PIK3C2G: variants seen among roughly 807,000 people sequenced by gnomAD.
PIK3C2G encodes the protein phosphatidylinositol-4-phosphate 3-kinase catalytic subunit type 2 gamma, also known as phosphatidylinositol 3-kinase C2 domain-containing subunit gamma.
A neutral mutation model predicts 181.1 loss-of-function variants in PIK3C2G; 168 were observed. The ratio of observed to expected loss-of-function variants is 0.93; its 90% CI spans 0.82 to 1.05. The LOEUF is 1.05. Ranked by LOEUF, PIK3C2G falls within the 50% of genes least tolerant of loss-of-function variation. The pLI, the probability that PIK3C2G is intolerant of heterozygous loss-of-function variation, is 0.00. For synonymous variants in PIK3C2G, 573 were observed against 592.2 expected, an observed-to-expected ratio of 0.97 and a Z score of 0.47; for missense variants, 1,869 against 1,732.8, an observed-to-expected ratio of 1.08 and a Z score of -1.40.
chr12:18,539,868 C>T (rs987424397), intron 25 of PIK3C2G, among the ~76,000 whole-genome samples: 7 of 151,784 alleles, frequency 4.6e-5, no homozygotes, highest in African/African-American at 7.3e-5. Flanking sequence ...TACCCATCTC[C>T]GAAATCTTCA....
the PIK3C2G span, chr12:18,705,253 T>C: frequency 6.2e-7 from 1 of 1,614,040 alleles, no homozygotes; most frequent in South Asian, 1.1e-5. Context: ...TGTCTGCCAT[T>C]ACTTCTTGTT....
intron 18 of PIK3C2G, among the ~76,000 whole-genome samples, chr12:18,434,933 C>T (rs1276302386): frequency 6.6e-6 from 1 of 150,564 alleles, no homozygotes; most frequent in African/African-American, 2.4e-5. Flanking sequence ...GACTTTTGTC[C>T]AAAAATTTTA....
intron 24 of PIK3C2G, among the ~76,000 whole-genome samples, chr12:18,534,870 G>A (rs1943762041): frequency 6.6e-6 from 1 of 151,192 alleles, no homozygotes; most frequent in Non-Finnish European, 1.5e-5. Context: ...GCAAGAACAG[G>A]TGGGACTTTG....
chr12:18,506,633 A>C (rs1459331532), intron 24 of PIK3C2G, among the ~76,000 whole-genome samples: 1 of 152,182 alleles, frequency 6.6e-6, no homozygotes, highest in Non-Finnish European at 1.5e-5. Context: ...TTAGCAAATG[A>C]CTGAATAATT....
intron 18 of PIK3C2G, among the ~76,000 whole-genome samples, chr12:18,434,239 T>C (rs182154036): frequency 6.6e-6 from 1 of 152,300 alleles, no homozygotes; most frequent in Admixed American, 6.5e-5. Flanking sequence ...TATAAGGGCA[T>C]GAACCCATTC....
At chr12:18,428,075 G>C (rs1945941085) in intron 18 of PIK3C2G, among the ~76,000 whole-genome samples, 1 of 151,776 alleles carries the variant, frequency 6.6e-6, no homozygotes, top group African/African-American at 2.4e-5. Flanking sequence ...TCCTCTAAGG[G>C]GGGAGATTCA....
At chr12:18,454,617 A>G (rs1947532002) in intron 18 of PIK3C2G, among the ~76,000 whole-genome samples, 1 of 152,136 alleles carries the variant, frequency 6.6e-6, no homozygotes, top group Admixed American at 6.6e-5. Context: ...CTGTTTTGAG[A>G]ATAGAATTAA....
intron 16 of PIK3C2G, among the ~76,000 whole-genome samples, chr12:18,410,322 T>C (rs1473291369): frequency 2.6e-5 from 4 of 152,006 alleles, no homozygotes; most frequent in Admixed American, 2.6e-4. Flanking sequence ...CTGGCCAACA[T>C]GGTGAAACCC....
At chr12:18,553,757 A>G (rs2136299130) in intron 26 of PIK3C2G, among the ~76,000 whole-genome samples, 1 of 152,202 alleles carries the variant, frequency 6.6e-6, no homozygotes, top group African/African-American at 2.4e-5. Flanking sequence ...AGTTCAAGAG[A>G]GCACCACAAG....
intron 5 of PIK3C2G, among the ~76,000 whole-genome samples, chr12:18,297,467 G>A (rs908387477): frequency 1.9e-4 from 29 of 152,026 alleles, no homozygotes; most frequent in Non-Finnish European, 7.4e-5. Flanking sequence ...TACATAGAAT[G>A]TATAATGATC....
intron 18 of PIK3C2G, among the ~76,000 whole-genome samples, chr12:18,460,499 G>A (rs531667728): frequency 1.2e-4 from 18 of 151,758 alleles, no homozygotes; most frequent in Non-Finnish European, 2.2e-4. Flanking sequence ...GCTTGAACCC[G>A]GGAGGCAGAG....
intron 5 of PIK3C2G, among the ~76,000 whole-genome samples, chr12:18,305,616 A>G (rs1423844975): frequency 7.6e-6 from 1 of 130,966 alleles, no homozygotes; most frequent in African/African-American, 2.6e-5. Context: ...ATTTTTCTTA[A>G]ATAAAGTGAT....
intron 18 of PIK3C2G, among the ~76,000 whole-genome samples, chr12:18,470,163 A>G (rs1938321818): frequency 6.6e-6 from 1 of 152,096 alleles, no homozygotes; most frequent in African/African-American, 2.4e-5. Flanking sequence ...ATTATTTATA[A>G]TAATAGTATC....
At chr12:18,344,281 G>A (rs1337264112) in intron 10 of PIK3C2G, among the ~76,000 whole-genome samples, 2 of 151,978 alleles carry the variant, frequency 1.3e-5, no homozygotes, top group Non-Finnish European at 2.9e-5. Context: ...TTTCAGTAAA[G>A]AGTCACGTAC....
At chr12:18,316,251 A>C (rs1217372412) in intron 6 of PIK3C2G, among the ~76,000 whole-genome samples, 2 of 152,204 alleles carry the variant, frequency 1.3e-5, no homozygotes, top group African/African-American at 2.4e-5. Context: ...TGGTAATGTC[A>C]GCAAGCGCAG....
At chr12:18,282,797 G>C in intron 2 of PIK3C2G, 38 bp downstream of exon 2, 1 of 1,283,260 alleles carries the variant, frequency 7.8e-7, no homozygotes, top group South Asian at 1.5e-5. Flanking sequence ...ATATGAATCT[G>C]AAAGAATCAT....
chr12:18,277,551 C>T (rs1949035319), intron 1 of PIK3C2G, among the ~76,000 whole-genome samples: 1 of 152,092 alleles, frequency 6.6e-6, no homozygotes, highest in Admixed American at 6.6e-5. Flanking sequence ...AATTTGTTAT[C>T]TGAAATAAAG....
At chr12:18,287,900 G>T (rs374716704) in intron 3 of PIK3C2G, among the ~76,000 whole-genome samples, 1 of 151,304 alleles carries the variant, frequency 6.6e-6, no homozygotes, top group Non-Finnish European at 1.5e-5. Flanking sequence ...GGTGGCTCAC[G>T]CCTGTAATCC....
intron 32 of PIK3C2G, among the ~76,000 whole-genome samples, chr12:18,644,491 G>T (rs1248045638): frequency 6.6e-6 from 1 of 152,024 alleles, no homozygotes; most frequent in Non-Finnish European, 1.5e-5. Context: ...AAGGTGTAAA[G>T]GGAAAATTAG....
Sources: allele counts gnomAD v4.1 joint callset (sites outside exome capture counted in the v4.1 genomes callset), GRCh38; gene constraint gnomAD v4.1.1; transcripts MANE v1.5; gene names NCBI Gene and HGNC (gene_info 2026-07-23, HGNC 2026-07-21).